Variants in CDK16 observed in about 807,000 individuals in gnomAD.
CDK16 encodes cyclin-dependent kinase 16.
Under a neutral mutation model 41.6 loss-of-function variants are expected in CDK16, and 2 were observed. That is an observed-to-expected ratio of 0.05 (90% CI 0.02 to 0.15). The LOEUF (loss-of-function observed/expected upper bound fraction) is 0.15. CDK16 is among the 10% of genes least tolerant of loss of function. The probability of loss-of-function intolerance (pLI) is 1.00; values close to 1 mark genes in which losing one functional copy is unlikely to be tolerated. For missense variants in CDK16, 228 were observed against 428.9 expected (o/e 0.53, Z 4.14); for synonymous variants, 169 against 169.7 (o/e 1.00, Z 0.03).
Position 47,229,075 on chromosome X carries a change from C to G in CDK16, c.*307C>G, listed in dbSNP as rs767748660. The G allele has an allele frequency of 1.3e-5, 5 of 393,515 alleles. No homozygotes were observed. The highest frequency in any genetic ancestry group is 3.8e-5 in the Admixed American group (1 of 26,053). The allele number at this position is 393,515 out of a possible 1,213,427, so 32.4% of individuals were successfully genotyped here. On this transcript the variant is annotated 3_prime_UTR_variant, in exon 16 of 16. Coordinates refer to ENST00000357227, the MANE Select transcript of CDK16 (RefSeq NM_006201.5). Reference sequence around the variant, plus strand: ...TCCCACACTGAGGCCAGGTCTACCCCCCATCATACCAGCCCCCAGGACCAC... The same window carrying G: ...TCCCACACTGAGGCCAGGTCTACCCGCCATCATACCAGCCCCCAGGACCAC...
chrX:47,227,293 C>T, intron 13 of CDK16, 70 bp downstream of exon 13: 1 of 1,091,956 alleles, frequency 9.2e-7, no homozygotes, highest in Non-Finnish European at 1.3e-6. Context: ...CCCCCCCCCT[C>T]AAACCAGGGG....
Position 47,224,976 on chromosome X carries a change from C to T in CDK16, c.520-12C>T, listed in dbSNP as rs368594503. 5.8e-6 allele frequency: 7 copies of T among 1,201,300 alleles called. No individual in the cohort carries two copies. The African/African-American group carries it at 8.8e-5, about 15-fold the overall frequency. On this transcript the variant is annotated splice_polypyrimidine_tract_variant and intron_variant, in intron 5 of 15. Transcript: ENST00000357227. The stretch of plus-strand genomic sequence containing the variant: ...CATAGCACCTCTCCTGTCACACTTC[C>T]TCACATTCCAGGGTACCTATGCCAC...
At position 47,229,405 on chromosome X, in the gene CDK16, C is replaced by T. The variant is rs1231991454; in HGVS notation, c.*637C>T. The T allele has an allele frequency of 1.8e-5, 6 of 326,661 alleles. No individual in the cohort carries two copies. Among genetic ancestry groups the T allele is most frequent in the South Asian group, 1.6e-4 (6 of 38,009 alleles). 26.9% of individuals were successfully genotyped at this position (326,661 alleles called of 1,213,427 possible). ...CAATGAAGCCCTGCTCCCAGCCTTT[C>T]AGAGACAGGGACACAGCCCCTATTT... is the stretch of plus-strand genomic sequence containing the variant. On this transcript the variant is annotated 3_prime_UTR_variant, in exon 16 of 16. Coordinates refer to ENST00000357227, the MANE Select transcript of CDK16 (RefSeq NM_006201.5).
At chrX:47,222,928 T>G in intron 1 of CDK16, 2 of 541,370 alleles carry the variant, frequency 3.7e-6, no homozygotes, top group Non-Finnish European at 5.0e-6. Flanking sequence ...TGGTTGGGTC[T>G]GGGCAGGACA....
rs5902386 is a variant in CDK16 at position 47,227,282 on chromosome X, A to ACC, written c.1284+67_1284+68dup. 1,042 of 1,040,380 alleles carry ACC rather than the reference A, an allele frequency of 1.0e-3. 2 individuals carry two copies. In the Admixed American group the frequency reaches 0.011, roughly 10 times the overall value. 85.7% of individuals were successfully genotyped at this position (1,040,380 alleles called of 1,213,427 possible). ...GGATTCCAAGTGTGGGGAAACAGGG[A>ACC]CCCCCCCCCTCAAACCAGGGGCAGG... On this transcript the variant is annotated intron_variant, in intron 13 of 15. Transcript: ENST00000357227.
chrX:47,221,213 G>A (rs1304702491), intron 1 of CDK16, among the ~76,000 whole-genome samples: 2 of 111,187 alleles, frequency 1.8e-5, no homozygotes, highest in Non-Finnish European at 3.8e-5. Flanking sequence ...TCTGAGGATG[G>A]GTGTATGTCT....
rs757563153 is a variant in CDK16 at position 47,229,425 on chromosome X, CT to C, written c.*658del. ...CCTTTCAGAGACAGGGACACAGCCC[CT>C]ATTTGGAACCCTGATCATCACCAGA... On this transcript the variant is annotated 3_prime_UTR_variant, in exon 16 of 16. Transcript: ENST00000357227. 4.3e-4 allele frequency: 140 copies of C among 325,034 alleles called. No individual in the cohort carries two copies. The highest frequency in any genetic ancestry group is 3.3e-3 in the African/African-American group (122 of 37,179). The allele number at this position is 325,034 out of a possible 1,213,427, so 26.8% of individuals were successfully genotyped here. A position where few individuals can be genotyped will look rare whatever the true frequency, so the allele number is the denominator to read the frequency against.
intron 2 of CDK16, 132 bp from the exon 3 acceptor site, chrX:47,224,253 C>A: frequency 1.5e-6 from 1 of 676,721 alleles, no homozygotes; most frequent in East Asian, 3.4e-5. Flanking sequence ...CACCCTCTCC[C>A]CGAGGGACTC....
intron 1 of CDK16, among the ~76,000 whole-genome samples, chrX:47,219,628 A>G (rs868972694): frequency 1.8e-5 from 2 of 110,647 alleles, no homozygotes; most frequent in Non-Finnish European, 3.8e-5. Flanking sequence ...CAGGTACCAG[A>G]ACGTGTGTTG....
Position 47,224,825 on chromosome X carries a change from G to T in CDK16, c.463-9G>T. On this transcript the variant is annotated splice_polypyrimidine_tract_variant and intron_variant, in intron 4 of 15. Transcript: ENST00000357227. ...GAGCCAGCTTTAACCTGCCTCATTT[G>T]TCCCACAGTCTGAGATTGGCTTTGG... The T allele has an allele frequency of 8.3e-7, 1 of 1,211,228 alleles. No homozygotes were observed. The highest frequency in any genetic ancestry group is 1.1e-6 in the Non-Finnish European group (1 of 895,382).
At position 47,219,401 on chromosome X, in the gene CDK16, A is replaced by T. The variant is rs183800667; in HGVS notation, c.-7+296A>T. ...GGTGAAAGACTTGGGGGGGTTGCTG[A>T]TGGGGGTCGGAGCATGTGGCAGTAA... is the stretch of plus-strand genomic sequence containing the variant. On this transcript the variant is annotated intron_variant, in intron 1 of 15. Transcript: ENST00000357227. 3.8e-3 allele frequency among the ~76,000 whole-genome samples: 385 copies of T among 101,720 alleles called. 1 individual carries two copies. The highest frequency in any genetic ancestry group is 6.1e-3 in the Non-Finnish European group (306 of 50,171). The allele number at this position is 101,720 out of a possible 115,157, so 88.3% of individuals were successfully genotyped here.
At chrX:47,224,218 T>C (rs1264440422) in intron 2 of CDK16, among the ~76,000 whole-genome samples, 167 bp from the exon 3 acceptor site, 2 of 111,826 alleles carry the variant, frequency 1.8e-5, no homozygotes, top group Non-Finnish European at 3.8e-5. Flanking sequence ...TAGATGTACC[T>C]GAGCTTCCCT....
chrX:47,222,668 G>T (rs1357622404), intron 1 of CDK16, among the ~76,000 whole-genome samples: 4 of 95,491 alleles, frequency 4.2e-5, no homozygotes, highest in Non-Finnish European at 8.4e-5. Flanking sequence ...TGTGGGGGTG[G>T]GGGGGGGCCG....
chrX:47,229,110 G>A lies in CDK16; in HGVS notation c.*342G>A. The A allele has an allele frequency of 2.8e-6, 1 of 353,194 alleles. No individual in the cohort carries two copies. The highest frequency in any genetic ancestry group is 5.1e-6 in the Non-Finnish European group (1 of 197,011). The allele number at this position is 353,194 out of a possible 1,213,427, so 29.1% of individuals were successfully genotyped here. ...CAGCCCCCAGGACCACTACCCCACG[G>A]CCAGCCAGGGGTCCAGAGCTAGCCC... On this transcript the variant is annotated 3_prime_UTR_variant, in exon 16 of 16. Transcript: ENST00000357227.
chrX:47,229,263 GTTTTT>G lies in CDK16; in HGVS notation c.*504_*508del, dbSNP rs147884170. 1.4e-5 allele frequency: 2 copies of G among 147,700 alleles called. No individual in the cohort carries two copies. The highest frequency in any genetic ancestry group is 2.5e-5 in the Non-Finnish European group (2 of 79,330). The allele number at this position is 147,700 out of a possible 1,213,427, so 12.2% of individuals were successfully genotyped here. A position where few individuals can be genotyped will look rare whatever the true frequency, so the allele number is the denominator to read the frequency against. ...CCTTTTTTTGTTTGTTTCATTCATT[GTTTTT>G]TTTTTTTTAATTATTTTAAATGAGA... On this transcript the variant is annotated 3_prime_UTR_variant, in exon 16 of 16. Transcript: ENST00000357227.
intron 8 of CDK16, 26 bp downstream of exon 8, chrX:47,226,053 C>T (rs1255030501): frequency 8.5e-7 from 1 of 1,178,789 alleles, no homozygotes; most frequent in Non-Finnish European, 1.1e-6. Context: ...GAAGCAGGGG[C>T]ACAAGGGGGC....
At chrX:47,220,299 G>A (rs782738763) in intron 1 of CDK16, among the ~76,000 whole-genome samples, 9 of 107,581 alleles carry the variant, frequency 8.4e-5, no homozygotes, top group Non-Finnish European at 1.7e-4. Context: ...CTCGGGGGTA[G>A]GGCTGCGGAG....
rs1450549357 is a variant in CDK16 at position 47,229,197 on chromosome X, C to T, written c.*429C>T. On this transcript the variant is annotated 3_prime_UTR_variant, in exon 16 of 16. Transcript: ENST00000357227. ...TGCCTTGAGTCTGAGGCATCCTCTG[C>T]CTGCTTTCCTGCCTGCCCCACCTGC... is the stretch of plus-strand genomic sequence containing the variant. The T allele has an allele frequency of 3.7e-6, 1 of 270,072 alleles. No homozygotes were observed. The highest frequency in any genetic ancestry group is 8.9e-5 in the East Asian group (1 of 11,182). The allele number at this position is 270,072 out of a possible 1,213,427, so 22.3% of individuals were successfully genotyped here.
rs959020272 is a variant in CDK16, at chrX:47,229,595, A to C, written c.*827A>C. On this transcript the variant is annotated 3_prime_UTR_variant, in exon 16 of 16. Coordinates refer to ENST00000357227, the MANE Select transcript of CDK16 (RefSeq NM_006201.5). ...GGGGGCCCCACTCTTTCTCTCCTGCAGTCCCGTAGCTGGGGCCTCCTTCCT... is the reference window on the plus strand; with the variant it reads ...GGGGGCCCCACTCTTTCTCTCCTGCCGTCCCGTAGCTGGGGCCTCCTTCCT... The C allele has an allele frequency of 6.7e-5, 15 of 224,706 alleles. No homozygotes were observed. The highest frequency in any genetic ancestry group is 1.1e-4 in the Non-Finnish European group (13 of 120,143). 18.5% of individuals were successfully genotyped at this position (224,706 alleles called of 1,213,427 possible).
Sources: gnomAD v4.1 joint callset for allele counts (sites outside exome capture counted in the v4.1 genomes callset) on GRCh38, gnomAD v4.1.1 for gene constraint, MANE v1.5 for transcripts, NCBI Gene and HGNC (gene_info 2026-07-23, HGNC 2026-07-21) for gene names.